Variants in GABRR2 observed in about 807,000 individuals in gnomAD.
The protein encoded by GABRR2 is gamma-aminobutyric acid receptor subunit rho-2.
GABRR2 carries 36 observed loss-of-function variants against 47.0 expected under a neutral mutation model. The observed-to-expected ratio is 0.77, with a 90% CI of 0.59 to 1.01. The LOEUF (loss-of-function observed/expected upper bound fraction) is 1.01. GABRR2 is among the 50% of genes least tolerant of loss of function. The pLI, the probability that GABRR2 is intolerant of heterozygous loss-of-function variation, is 0.00. For synonymous variants in GABRR2, 204 were observed against 227.5 expected (o/e 0.90, Z 0.93); for missense variants, 587 against 594.6 (o/e 0.99, Z 0.13).
At chr6:89,298,459 G>A (rs998351979) in intron 2 of GABRR2, among the ~76,000 whole-genome samples, 3 of 152,162 alleles carry the variant, frequency 2.0e-5, no homozygotes, top group African/African-American at 7.2e-5. Flanking sequence ...AACAAATGGA[G>A]GCTCAAAGGA....
chr6:89,265,637 C>T lies in GABRR2; in HGVS notation c.865G>A (p.Ala289Thr). 6.2e-7 allele frequency: 1 copy of T among 1,614,130 alleles called. No individual in the cohort carries two copies. Among genetic ancestry groups the T allele is most frequent in the South Asian group, 1.1e-5 (1 of 91,056 alleles). ...CCCAGTGAAACTCTGGCAGGCACAG[C>T]TCTGCGGTCGATCCAGAAGGACACC... Reference protein sequence around the residue: ...SWVSFWIDRRAVPARVSLGIT... With the variant: ...SWVSFWIDRRTVPARVSLGIT... Residue 289 changes from alanine to threonine, a missense_variant, in exon 7 of 9, where the codon GCT (alanine) becomes ACT (threonine). Ala to Thr is a moderately conservative substitution (Grantham distance 58). Coordinates refer to ENST00000402938, the MANE Select transcript of GABRR2 (RefSeq NM_002043.5).
At chr6:89,303,534 A>G (rs13192271) in intron 1 of GABRR2, among the ~76,000 whole-genome samples, 2,444 of 152,152 alleles carry the variant, frequency 0.016, 39 homozygotes, top group Middle Eastern at 0.034. Flanking sequence ...TATAGATTCA[A>G]TGCTATTTCT....
chr6:89,293,936 A>G (rs543014964), intron 2 of GABRR2, among the ~76,000 whole-genome samples: 1 of 152,312 alleles, frequency 6.6e-6, no homozygotes, highest in Admixed American at 6.5e-5. Flanking sequence ...GTTTCAACTG[A>G]TCCATGGGAT....
At chr6:89,284,363 C>T (rs1020713097) in intron 2 of GABRR2, among the ~76,000 whole-genome samples, 14 of 152,150 alleles carry the variant, frequency 9.2e-5, no homozygotes, top group African/African-American at 2.7e-4. Flanking sequence ...TACATCCTCA[C>T]CTCCAGAACC....
At chr6:89,264,350 A>G (rs1773827733) in intron 8 of GABRR2, 62 bp downstream of exon 8, 2 of 1,539,996 alleles carry the variant, frequency 1.3e-6, no homozygotes, top group African/African-American at 1.4e-5. Context: ...CCCCTGGCCC[A>G]GAAGACCTTC....
At chr6:89,278,742 C>T (rs931236917) in intron 2 of GABRR2, among the ~76,000 whole-genome samples, 1 of 152,248 alleles carries the variant, frequency 6.6e-6, no homozygotes, top group Admixed American at 6.5e-5. Flanking sequence ...AAAATCTGCA[C>T]TCAAGAAAAC....
chr6:89,306,981 T>A, intron 1 of GABRR2, among the ~76,000 whole-genome samples: 1 of 152,204 alleles, frequency 6.6e-6, no homozygotes, highest in East Asian at 1.9e-4. Flanking sequence ...CACTTAGCCT[T>A]CTAAGAGCGT....
chr6:89,280,559 CCCCTAGACTCCACAGG>C (rs1774242656), intron 2 of GABRR2, among the ~76,000 whole-genome samples: 2 of 152,118 alleles, frequency 1.3e-5, no homozygotes, highest in Admixed American at 1.3e-4. Context: ...CTGCCCGCTG[CCCCTAGACTCCACAGG>C]CCCTAACAAG....
At chr6:89,291,953 G>A (rs1365696393) in intron 2 of GABRR2, among the ~76,000 whole-genome samples, 1 of 152,078 alleles carries the variant, frequency 6.6e-6, no homozygotes, top group East Asian at 1.9e-4. Flanking sequence ...TCTTCCCAGT[G>A]GCCCTCACAA....
At chr6:89,314,970 G>C (rs1767737547) in intron 1 of GABRR2, 83 bp downstream of exon 1, 3 of 1,223,606 alleles carry the variant, frequency 2.5e-6, no homozygotes, top group Non-Finnish European at 2.4e-6. Flanking sequence ...TAGGACCTTA[G>C]CCCCCTGGGG....
At chr6:89,302,639 G>A in intron 1 of GABRR2, 1 of 1,273,790 alleles carries the variant, frequency 7.9e-7, no homozygotes, top group African/African-American at 1.5e-5. Flanking sequence ...TCACCCCTCA[G>A]ATGTTTGATG....
intron 2 of GABRR2, among the ~76,000 whole-genome samples, chr6:89,279,906 G>A (rs1387252545): frequency 6.6e-6 from 1 of 151,984 alleles, no homozygotes; most frequent in African/African-American, 2.4e-5. Context: ...CATATAAGAT[G>A]TTCTCCATAA....
At chr6:89,272,247 ATCT>A (rs1256593073) in intron 2 of GABRR2, among the ~76,000 whole-genome samples, 1 of 152,210 alleles carries the variant, frequency 6.6e-6, no homozygotes, top group African/African-American at 2.4e-5. Flanking sequence ...GTGAGACAAG[ATCT>A]TCTCTGTGCG....
chr6:89,296,518 C>T (rs944480103), intron 2 of GABRR2, among the ~76,000 whole-genome samples: 5 of 152,226 alleles, frequency 3.3e-5, no homozygotes, highest in South Asian at 2.1e-4. Context: ...CCCACCTATA[C>T]TGTGGTGGCT....
In GABRR2 at chr6:89,257,573, G is replaced by T; in HGVS notation, c.*97C>A. 1 of 984,130 alleles carries T rather than the reference G, an allele frequency of 1.0e-6. No homozygotes were observed. The highest frequency in any genetic ancestry group is 1.5e-6 in the Non-Finnish European group (1 of 670,294). The allele number at this position is 984,130 out of a possible 1,614,324, so 61.0% of individuals were successfully genotyped here. A position where few individuals can be genotyped will look rare whatever the true frequency, so the allele number is the denominator to read the frequency against. On this transcript the variant is annotated 3_prime_UTR_variant, in exon 9 of 9. Transcript: ENST00000402938. ...AGGGTGGTCCAGTAGCTGCTGCATT[G>T]TTTGGTGAGGGGCGTGTGGTCAACA...
chr6:89,314,950 G>T, intron 1 of GABRR2, 103 bp downstream of exon 1: 1 of 955,222 alleles, frequency 1.0e-6, no homozygotes, highest in African/African-American at 1.6e-5. Context: ...CTCATAGGGC[G>T]ATATCTCAAT....
chr6:89,311,661 T>A (rs1414296498), intron 1 of GABRR2, among the ~76,000 whole-genome samples: 1 of 152,140 alleles, frequency 6.6e-6, no homozygotes, highest in Non-Finnish European at 1.5e-5. Context: ...CACCGTGTTG[T>A]GGTTTTTTGG....
chr6:89,267,644 C>G (rs1325601828), intron 6 of GABRR2, 35 bp downstream of exon 6: 1 of 1,586,316 alleles, frequency 6.3e-7, no homozygotes, highest in Non-Finnish European at 8.6e-7. Context: ...TGCTTTCTTG[C>G]ACATTTGAAT....
chr6:89,294,478 G>C (rs1774523482), intron 2 of GABRR2, among the ~76,000 whole-genome samples: 1 of 152,086 alleles, frequency 6.6e-6, no homozygotes, highest in Non-Finnish European at 1.5e-5. Context: ...CATTCCACAG[G>C]AAGTCCCTCT....
Sources: gnomAD v4.1 joint callset for allele counts (sites outside exome capture counted in the v4.1 genomes callset) on GRCh38, gnomAD v4.1.1 for gene constraint, MANE v1.5 for transcripts, NCBI Gene and HGNC (gene_info 2026-07-23, HGNC 2026-07-21) for gene names.